The following ZNF236 variants were observed in gnomAD, a reference collection of about 807,000 sequenced individuals.
ZNF236 encodes the protein regulated by glucose.
In ZNF236, 50 loss-of-function variants were observed where a neutral mutation model predicts 191.2. The ratio of observed to expected loss-of-function variants is 0.26; its 90% confidence interval spans 0.21 to 0.33. The LOEUF is 0.33. Ranked by LOEUF, ZNF236 falls within the 10% of genes least tolerant of loss-of-function variation. The pLI is 1.00. For synonymous variants in ZNF236, 907 were observed against 928.8 expected (o/e 0.98, Z 0.43); for missense variants, 1,754 against 2,374.5 (o/e 0.74, Z 5.43).
At chr18:76,958,966 T>G (rs575883107) in intron 28 of ZNF236, among the ~76,000 whole-genome samples, 1 of 152,306 alleles carries the variant, frequency 6.6e-6, no homozygotes, top group East Asian at 1.9e-4. Context: ...GAGATTCTAT[T>G]AGGATAATTA....
At chr18:76,871,559 C>T in intron 4 of ZNF236, 142 bp from the exon 5 acceptor site, 1 of 822,630 alleles carries the variant, frequency 1.2e-6, no homozygotes, top group Non-Finnish European at 2.0e-6. Flanking sequence ...TACACACAGA[C>T]ACATACATAT....
intron 1 of ZNF236, among the ~76,000 whole-genome samples, chr18:76,842,330 T>C (rs1256407166): frequency 6.6e-5 from 10 of 152,174 alleles, no homozygotes; most frequent in African/African-American, 2.2e-4. Context: ...AGTCAGATAG[T>C]TGCCTTTTTC....
chr18:76,916,142 G>T (rs1967358586), intron 19 of ZNF236, among the ~76,000 whole-genome samples: 1 of 152,186 alleles, frequency 6.6e-6, no homozygotes, highest in Non-Finnish European at 1.5e-5. Context: ...GGGCGCGCAT[G>T]TTGCTAGAGA....
Position 76,899,218 on chromosome 18 carries a change from C to G in ZNF236, c.1890C>G (p.Asp630Glu). 1.2e-6 allele frequency: 2 copies of G among 1,612,640 alleles called. No individual in the cohort carries two copies. The highest frequency in any genetic ancestry group is 1.7e-6 in the Non-Finnish European group (2 of 1,178,764). ...IPLQEPILIT[D>E]LGLIQPIPKN... ...TGCAGGAACCAATCCTCATAACTGACTTAGGTAAGATGGATTGTAGGGCGT... is the reference window on the plus strand; with the variant it reads ...TGCAGGAACCAATCCTCATAACTGAGTTAGGTAAGATGGATTGTAGGGCGT... Residue 630 changes from aspartate to glutamate, a missense_variant, in exon 11 of 31, where the codon GAC becomes GAG. Transcript: ENST00000320610.
intron 18 of ZNF236, among the ~76,000 whole-genome samples, 175 bp downstream of exon 18, chr18:76,914,073 A>G (rs1209746455): frequency 2.0e-5 from 3 of 152,222 alleles, no homozygotes; most frequent in South Asian, 4.1e-4. Flanking sequence ...TTTATTACAC[A>G]TAAAAGAAAC....
At chr18:76,894,563 A>G (rs779236602) in intron 9 of ZNF236, among the ~76,000 whole-genome samples, 12 of 152,118 alleles carry the variant, frequency 7.9e-5, no homozygotes, top group Non-Finnish European at 8.8e-5. Context: ...CTGTTTACCA[A>G]TTTCCTTTTA....
chr18:76,859,536 A>G (rs1450778004), intron 3 of ZNF236, among the ~76,000 whole-genome samples: 1 of 152,058 alleles, frequency 6.6e-6, no homozygotes, highest in Non-Finnish European at 1.5e-5. Flanking sequence ...TGCATTTCCT[A>G]TTTACAATCA....
intron 28 of ZNF236, among the ~76,000 whole-genome samples, chr18:76,958,682 TTGGTGTC>T (rs1265293986): frequency 6.6e-6 from 1 of 152,124 alleles, no homozygotes; most frequent in African/African-American, 2.4e-5. Context: ...TTGATGGTGA[TTGGTGTC>T]ATCAGGAGTG....
intron 7 of ZNF236, among the ~76,000 whole-genome samples, 168 bp from the exon 8 acceptor site, chr18:76,879,945 G>A (rs1013955344): frequency 7.9e-5 from 12 of 151,674 alleles, no homozygotes; most frequent in African/African-American, 2.4e-4. Flanking sequence ...AGCCAATATC[G>A]TGCCAAACAC....
chr18:76,944,528 A>C lies in ZNF236; in HGVS notation c.4783-2993A>C, dbSNP rs544909853. ...AGGTTGGCTGGGGGTGTGGTGGCTC[A>C]TGCCTGTAATCGCAGGCCGAGGCGG... On this transcript the variant is annotated intron_variant, in intron 26 of 30. Coordinates refer to ENST00000320610, the MANE Select transcript of ZNF236 (RefSeq NM_001306089.2). Among the ~76,000 whole-genome samples the C allele has an allele frequency of 1.4e-3, 216 of 152,264 alleles. 4 individuals are homozygous for C. Among genetic ancestry groups the C allele is most frequent in the Non-Finnish European group, 5.6e-4 (38 of 68,026 alleles).
chr18:76,945,463 G>A (rs1189923443), intron 26 of ZNF236, among the ~76,000 whole-genome samples: 12 of 152,230 alleles, frequency 7.9e-5, no homozygotes. Flanking sequence ...TCTCTATGTA[G>A]GGAGGTAGGG....
Position 76,968,316 on chromosome 18 carries a change from C to G in ZNF236, c.5521C>G (p.Gln1841Glu), listed in dbSNP as rs1968834781. ...EVVQEAAGEW[Q>E]ALTHVF ...GGTGCAGGAGGCCGCCGGCGAGTGG[C>G]AGGCCCTCACCCACGTCTTCTGATG... The change falls in exon 31 of 31, where the codon CAG (glutamine) becomes GAG (glutamate). Residue 1841 changes from glutamine (Q) to glutamate (E), a missense_variant. Physicochemically the swap from Gln to Glu is conservative, Grantham distance 29. Around this residue, in one of 5 missense-constraint regions of ZNF236, gnomAD observed 606 missense variants for 761.5 expected, o/e 0.80. Coordinates refer to ENST00000320610, the MANE Select transcript of ZNF236 (RefSeq NM_001306089.2). 1 of 1,608,684 alleles carries G rather than the reference C, an allele frequency of 6.2e-7. No homozygotes were observed. Among genetic ancestry groups the G allele is most frequent in the Non-Finnish European group, 8.5e-7 (1 of 1,178,580 alleles).
chr18:76,886,955 C>T (rs536559242), intron 9 of ZNF236: 112 of 196,546 alleles, frequency 5.7e-4, no homozygotes, highest in African/African-American at 2.5e-3. Context: ...TCTGAATTCA[C>T]GTAGTCCAGC....
chr18:76,899,223 G>A lies in ZNF236; in HGVS notation c.1894+1G>A. ...GAACCAATCCTCATAACTGACTTAG[G>A]TAAGATGGATTGTAGGGCGTCTTTA... On this transcript the variant is annotated splice_donor_variant, in intron 11 of 30. Transcript: ENST00000320610. LOFTEE classifies it high-confidence loss of function. 6.2e-7 allele frequency: 1 copy of A among 1,611,410 alleles called. No individual in the cohort carries two copies.
At chr18:76,840,252 T>C (rs1016196036) in intron 1 of ZNF236, among the ~76,000 whole-genome samples, 1 of 152,200 alleles carries the variant, frequency 6.6e-6, no homozygotes, top group Non-Finnish European at 1.5e-5. Context: ...CCCAGCACTT[T>C]GGGAGGCCGA....
intron 21 of ZNF236, among the ~76,000 whole-genome samples, chr18:76,924,238 C>T (rs980345161): frequency 2.0e-5 from 3 of 152,166 alleles, no homozygotes; most frequent in African/African-American, 7.2e-5. Context: ...TATCTTTGTG[C>T]CCCCAGGCCT....
intron 11 of ZNF236, among the ~76,000 whole-genome samples, chr18:76,902,313 G>A (rs1977616867): frequency 6.6e-6 from 1 of 152,196 alleles, no homozygotes; most frequent in East Asian, 1.9e-4. Flanking sequence ...ATCTTTGGGG[G>A]ACAGAGTTTG....
At chr18:76,906,960 T>C (rs995502093) in intron 13 of ZNF236, among the ~76,000 whole-genome samples, 1 of 152,194 alleles carries the variant, frequency 6.6e-6, no homozygotes, top group Non-Finnish European at 1.5e-5. Flanking sequence ...GTAAAATTTA[T>C]TGGAAAAAAC....
At position 76,915,707 on chromosome 18, in the gene ZNF236, C is replaced by G. The variant is rs1304675681; in HGVS notation, c.3122C>G (p.Thr1041Ser). ...TCCTTCACCACCAATGGCAGCCTCA[C>G]CCGGCACATGGCCACACATATGAGC... is the stretch of plus-strand genomic sequence containing the variant. ...NASFTTNGSLTRHMATHMSMK... is the reference protein window; with the variant it reads ...NASFTTNGSLSRHMATHMSMK... The change falls in exon 19 of 31, where the codon ACC becomes AGC. Residue 1041 changes from threonine (T) to serine (S), a missense_variant. Thr to Ser is a moderately conservative substitution (Grantham distance 58, BLOSUM62 1). Coordinates refer to ENST00000320610, the MANE Select transcript of ZNF236 (RefSeq NM_001306089.2). 6.2e-7 allele frequency: 1 copy of G among 1,614,056 alleles called. No homozygotes were observed. The highest frequency in any genetic ancestry group is 8.5e-7 in the Non-Finnish European group (1 of 1,180,040).
Sources: allele counts gnomAD v4.1 joint callset (sites outside exome capture counted in the v4.1 genomes callset), GRCh38; gene constraint gnomAD v4.1.1; regional missense constraint gnomAD v4.1.1; transcripts MANE v1.5; gene names NCBI Gene and HGNC (gene_info 2026-07-23, HGNC 2026-07-21).